The following TNS3 variants were observed in gnomAD, a reference collection of about 807,000 sequenced individuals.
TNS3 encodes tensin 3.
TNS3 carries 45 observed loss-of-function variants against 140.9 expected under a neutral mutation model. That is an observed-to-expected ratio of 0.32 (90% confidence interval 0.25 to 0.41). TNS3 has a LOEUF of 0.41. Among genes scored for constraint, TNS3 ranks in the 10% least tolerant of loss-of-function variants. The probability of loss-of-function intolerance (pLI) is 1.00; values close to 1 mark genes in which losing one functional copy is unlikely to be tolerated. For missense variants in TNS3, 1,716 were observed against 1,906.7 expected, an observed-to-expected ratio of 0.90 and a Z score of 1.86; for synonymous variants, 815 against 788.4, an observed-to-expected ratio of 1.03 and a Z score of -0.56.
At chr7:47,327,571 T>A (rs1355756320) in intron 20 of TNS3, among the ~76,000 whole-genome samples, 2 of 152,208 alleles carry the variant, frequency 1.3e-5, no homozygotes, top group Non-Finnish European at 2.9e-5. Context: ...TGCACTGTGC[T>A]AGGAAGCAGT....
rs367595968 is a variant in TNS3, at chr7:47,280,151, C to G, written c.4193+13G>C. 6.2e-7 allele frequency: 1 copy of G among 1,614,070 alleles called. No homozygotes were observed. Among genetic ancestry groups the G allele is most frequent in the African/African-American group, 1.3e-5 (1 of 75,034 alleles). On this transcript the variant is annotated intron_variant, in intron 30 of 30. Transcript: ENST00000311160. ...AGACAAGGAGAGAATGTAAAGAAAT[C>G]TCAGCAACTTACTTTGAGGAAGGGC...
intron 4 of TNS3, among the ~76,000 whole-genome samples, chr7:47,457,072 T>C (rs1323542848): frequency 6.9e-6 from 1 of 144,152 alleles, no homozygotes; most frequent in Non-Finnish European, 1.5e-5. Context: ...TGGGCTCAAT[T>C]CTTCCCATAT....
At chr7:47,558,666 G>C (rs1800258473) in intron 1 of TNS3, among the ~76,000 whole-genome samples, 1 of 152,082 alleles carries the variant, frequency 6.6e-6, no homozygotes, top group Non-Finnish European at 1.5e-5. Flanking sequence ...CCCTGGGCAG[G>C]TTTCCCACGC....
At chr7:47,330,710 T>G (rs1584415066) in intron 20 of TNS3, among the ~76,000 whole-genome samples, 1 of 150,500 alleles carries the variant, frequency 6.6e-6, no homozygotes, top group South Asian at 2.1e-4. Context: ...CAGAGGGAGG[T>G]GAGAAAAGGG....
chr7:47,464,643 G>A (rs527975104), intron 4 of TNS3, among the ~76,000 whole-genome samples: 15 of 152,310 alleles, frequency 9.8e-5, no homozygotes, highest in Middle Eastern at 6.8e-3. Context: ...CAAAGAGTTT[G>A]TATTTCTAAG....
chr7:47,550,328 T>C (rs1252300800), intron 1 of TNS3, among the ~76,000 whole-genome samples: 1 of 152,162 alleles, frequency 6.6e-6, no homozygotes, highest in Non-Finnish European at 1.5e-5. Context: ...CCTTGATGTA[T>C]GGAGAGGGCT....
intron 3 of TNS3, among the ~76,000 whole-genome samples, chr7:47,490,962 G>A (rs1347421148): frequency 6.6e-6 from 1 of 152,178 alleles, no homozygotes; most frequent in Non-Finnish European, 1.5e-5. Context: ...GGAAGTAGAG[G>A]AAAGGGGCTC....
chr7:47,479,640 T>C (rs966590496), intron 4 of TNS3, among the ~76,000 whole-genome samples: 2 of 152,202 alleles, frequency 1.3e-5, no homozygotes, highest in African/African-American at 2.4e-5. Context: ...TCATAGTTTG[T>C]CAATATTTTA....
chr7:47,557,057 G>A (rs762196107), intron 1 of TNS3: 11 of 456,664 alleles, frequency 2.4e-5, no homozygotes, highest in African/African-American at 2.0e-4. Context: ...TGTGCAGGGT[G>A]CCTAGTCCCC....
intron 1 of TNS3, among the ~76,000 whole-genome samples, chr7:47,531,159 C>T (rs569739531): frequency 3.3e-5 from 5 of 152,034 alleles, no homozygotes; most frequent in Admixed American, 2.0e-4. Context: ...TCGAGTACTA[C>T]GCTTATTACC....
chr7:47,339,137 T>G (rs911268294), intron 20 of TNS3, among the ~76,000 whole-genome samples: 5 of 152,202 alleles, frequency 3.3e-5, no homozygotes, highest in Admixed American at 2.0e-4. Context: ...TGCAAACCTT[T>G]TCTCCTACTC....
chr7:47,503,174 T>C (rs1425700651), intron 3 of TNS3, among the ~76,000 whole-genome samples: 1 of 152,134 alleles, frequency 6.6e-6, no homozygotes, highest in Non-Finnish European at 1.5e-5. Flanking sequence ...CTCTGATGAT[T>C]CAAGATGATA....
At chr7:47,316,100 CT>C (rs1200990166) in intron 20 of TNS3, among the ~76,000 whole-genome samples, 16 of 10,866 alleles carry the variant, frequency 1.5e-3, no homozygotes, top group African/African-American at 4.5e-3. Flanking sequence ...CTATTTCTCT[CT>C]CTCTCTCTCT....
At chr7:47,370,882 G>GC (rs1791029333) in intron 16 of TNS3, among the ~76,000 whole-genome samples, 1 of 152,244 alleles carries the variant, frequency 6.6e-6, no homozygotes, top group East Asian at 1.9e-4. Context: ...GTGCCTCACA[G>GC]CCCCGGGCTC....
intron 17 of TNS3, among the ~76,000 whole-genome samples, chr7:47,367,512 C>A (rs185258415): frequency 3.3e-5 from 5 of 152,352 alleles, no homozygotes; most frequent in Admixed American, 3.3e-4. Context: ...TCCTCCCAGG[C>A]CTCAAGGCTG....
At chr7:47,305,364 C>T (rs886676100) in intron 20 of TNS3, among the ~76,000 whole-genome samples, 2 of 152,258 alleles carry the variant, frequency 1.3e-5, no homozygotes, top group African/African-American at 4.8e-5. Context: ...CTGTAATGTA[C>T]TCTCCACTCC....
intron 10 of TNS3, among the ~76,000 whole-genome samples, chr7:47,416,312 T>A (rs1256639087): frequency 1.3e-5 from 2 of 152,300 alleles, no homozygotes; most frequent in African/African-American, 4.8e-5. Context: ...GGACCTTGTG[T>A]TAAGACAAAA....
intron 1 of TNS3, among the ~76,000 whole-genome samples, chr7:47,572,674 G>A (rs1389707915): frequency 2.6e-5 from 4 of 152,220 alleles, no homozygotes; most frequent in South Asian, 2.1e-4. Flanking sequence ...TCAGGAGTTC[G>A]AGACCAGCCT....
intron 2 of TNS3, among the ~76,000 whole-genome samples, chr7:47,517,019 C>A (rs1367339811): frequency 6.6e-6 from 1 of 152,206 alleles, no homozygotes. Flanking sequence ...GCCAAGACCA[C>A]AGCACTGCAC....
Sources: gnomAD v4.1 joint callset for allele counts (sites outside exome capture counted in the v4.1 genomes callset) on GRCh38, gnomAD v4.1.1 for gene constraint, MANE v1.5 for transcripts, NCBI Gene and HGNC (gene_info 2026-07-23, HGNC 2026-07-21) for gene names.